Variants in LSAMP observed in about 807,000 individuals in gnomAD.
The protein encoded by LSAMP is limbic system-associated membrane protein.
LSAMP carries 7 observed loss-of-function variants against 38.6 expected under a neutral mutation model. The ratio of observed to expected loss-of-function variants is 0.18; its 90% CI spans 0.10 to 0.34. LSAMP has a LOEUF of 0.34. Among genes scored for constraint, LSAMP ranks in the 10% least tolerant of loss-of-function variants. LSAMP has a pLI of 1.00. For synonymous variants in LSAMP, 154 were observed against 166.8 expected (o/e 0.92, Z 0.59); for missense variants, 313 against 420.0 (o/e 0.75, Z 2.23).
chr3:115,947,780 G>A (rs1226397579), intron 3 of LSAMP, among the ~76,000 whole-genome samples: 3 of 152,196 alleles, frequency 2.0e-5, no homozygotes, highest in Non-Finnish European at 2.9e-5. Flanking sequence ...GCTGATGAAA[G>A]AGTAAGAGAG....
intron 1 of LSAMP, among the ~76,000 whole-genome samples, chr3:116,136,355 A>G (rs1709247463): frequency 6.6e-6 from 1 of 152,110 alleles, no homozygotes; most frequent in Non-Finnish European, 1.5e-5. Flanking sequence ...TCAGTCACCC[A>G]GGTCTATGCA....
chr3:116,396,127 T>C (rs940445805), intron 1 of LSAMP, among the ~76,000 whole-genome samples: 1 of 152,172 alleles, frequency 6.6e-6, no homozygotes, highest in Non-Finnish European at 1.5e-5. Flanking sequence ...TAAAACTGAA[T>C]ATATGCAATG....
intron 1 of LSAMP, among the ~76,000 whole-genome samples, chr3:116,350,627 T>TG (rs11444210): frequency 0.19 from 28,115 of 148,076 alleles, 3,411 homozygotes; most frequent in African/African-American, 0.35. Flanking sequence ...CAAGGAACCT[T>TG]TTTTTTTTTT....
intron 6 of LSAMP, among the ~76,000 whole-genome samples, chr3:115,811,059 T>TCAAAAA (rs962349891): frequency 1.3e-5 from 2 of 152,052 alleles, no homozygotes; most frequent in African/African-American, 4.8e-5. Flanking sequence ...ACTTTAAAAA[T>TCAAAAA]CAAAAACAAA....
chr3:116,047,957 C>A (rs904758346), intron 2 of LSAMP, among the ~76,000 whole-genome samples: 6 of 152,168 alleles, frequency 3.9e-5, no homozygotes, highest in African/African-American at 1.4e-4. Context: ...ACTATAGTCA[C>A]TTATTTTTGT....
chr3:115,932,840 A>G (rs750504623), intron 3 of LSAMP, among the ~76,000 whole-genome samples: 2 of 152,190 alleles, frequency 1.3e-5, no homozygotes, highest in Non-Finnish European at 2.9e-5. Context: ...CAAGTAACTC[A>G]ATAAATAAGA....
intron 3 of LSAMP, among the ~76,000 whole-genome samples, chr3:115,915,234 C>T (rs1937225258): frequency 6.6e-6 from 1 of 152,180 alleles, no homozygotes; most frequent in Non-Finnish European, 1.5e-5. Flanking sequence ...GAGACAACTC[C>T]CATGCTATTC....
chr3:116,275,519 ATTAT>A (rs1174276424), intron 1 of LSAMP, among the ~76,000 whole-genome samples: 1 of 148,070 alleles, frequency 6.8e-6, no homozygotes, highest in South Asian at 2.3e-4. Context: ...TACCTAATTA[ATTAT>A]TAAGCATGAC....
At chr3:116,188,302 C>G (rs1710672073) in intron 1 of LSAMP, among the ~76,000 whole-genome samples, 4 of 152,112 alleles carry the variant, frequency 2.6e-5, no homozygotes, top group Admixed American at 2.6e-4. Flanking sequence ...GGGAGACCCC[C>G]CAGGAACAGT....
intron 1 of LSAMP, among the ~76,000 whole-genome samples, chr3:116,355,600 T>G (rs1475376071): frequency 6.6e-6 from 1 of 152,058 alleles, no homozygotes. Context: ...TCACATCAAG[T>G]GCAAAGGCTT....
intron 2 of LSAMP, among the ~76,000 whole-genome samples, chr3:116,047,091 G>A (rs1330848331): frequency 6.6e-6 from 1 of 152,124 alleles, no homozygotes; most frequent in Non-Finnish European, 1.5e-5. Flanking sequence ...TTTGGGACAC[G>A]TATTTTGGTT....
intron 1 of LSAMP, among the ~76,000 whole-genome samples, chr3:116,133,443 C>G (rs1709179452): frequency 6.6e-6 from 1 of 151,846 alleles, no homozygotes. Context: ...GTGTGTGGCA[C>G]CATGCCTGGC....
intron 1 of LSAMP, among the ~76,000 whole-genome samples, chr3:116,214,718 G>A (rs1299965730): frequency 6.6e-6 from 1 of 151,838 alleles, no homozygotes; most frequent in Non-Finnish European, 1.5e-5. Flanking sequence ...GGCCAGGCTC[G>A]TCTCAAATTC....
chr3:116,023,693 TA>T (rs1450030340), intron 2 of LSAMP, among the ~76,000 whole-genome samples: 2 of 151,440 alleles, frequency 1.3e-5, no homozygotes, highest in Admixed American at 6.6e-5. Flanking sequence ...TACAATCAGA[TA>T]TTTTTTTCCT....
At chr3:116,171,794 G>A (rs1042552599) in intron 1 of LSAMP, among the ~76,000 whole-genome samples, 2 of 151,960 alleles carry the variant, frequency 1.3e-5, no homozygotes, top group Non-Finnish European at 2.9e-5. Flanking sequence ...AGGTGGAGAA[G>A]AGAGGATCAA....
At chr3:116,365,798 G>T (rs1364801982) in intron 1 of LSAMP, among the ~76,000 whole-genome samples, 1 of 109,146 alleles carries the variant, frequency 9.2e-6, no homozygotes, top group Non-Finnish European at 1.7e-5. Context: ...TCACTCATAC[G>T]TGGGAATTGA....
At chr3:115,842,312 A>T in intron 5 of LSAMP, 146 bp downstream of exon 5, 1 of 1,179,318 alleles carries the variant, frequency 8.5e-7, no homozygotes, top group Non-Finnish European at 1.2e-6. Flanking sequence ...GCCCCAAAGA[A>T]TTTGATAAGA....
intron 1 of LSAMP, among the ~76,000 whole-genome samples, chr3:116,202,980 G>A (rs533744721): frequency 4.4e-4 from 67 of 152,336 alleles, no homozygotes; most frequent in Middle Eastern, 3.4e-3. Context: ...TGATTTTTGT[G>A]TATTGATTTT....
chr3:116,253,836 T>C (rs2046717127), intron 1 of LSAMP, among the ~76,000 whole-genome samples: 1 of 152,208 alleles, frequency 6.6e-6, no homozygotes, highest in African/African-American at 2.4e-5. Context: ...GGCAGGATGA[T>C]AGCTCTCTTT....
Sources: allele counts gnomAD v4.1 joint callset (sites outside exome capture counted in the v4.1 genomes callset), GRCh38; gene constraint gnomAD v4.1.1; transcripts MANE v1.5; gene names NCBI Gene and HGNC (gene_info 2026-07-23, HGNC 2026-07-21).